Variants in ANK2 observed in about 807,000 individuals in gnomAD.
ANK2 encodes ankyrin-2.
ANK2 carries 83 observed loss-of-function variants against 360.5 expected under a neutral mutation model. The ratio of observed to expected loss-of-function variants is 0.23; its 90% confidence interval spans 0.19 to 0.28. The LOEUF (loss-of-function observed/expected upper bound fraction) is 0.28, where lower values mean the gene tolerates loss of function less well. Among genes scored for constraint, ANK2 ranks in the 10% least tolerant of loss-of-function variants. ANK2 has a pLI of 1.00. For missense variants in ANK2, 4,201 were observed against 4,795.7 expected (o/e 0.88, Z 3.66); for synonymous variants, 1,740 against 1,759.5 (o/e 0.99, Z 0.28).
chr4:112,959,062 C>T (rs2033186678), intron 2 of ANK2, among the ~76,000 whole-genome samples: 1 of 151,956 alleles, frequency 6.6e-6, no homozygotes. Flanking sequence ...GTTGGCCAGG[C>T]TGGTCTTGAA....
In ANK2 at chr4:112,970,026, C is replaced by T. The variant is rs140807474; in HGVS notation, c.21+65512C>T. ...TGAGACGGAGTCTCACTCTGTCGTC[C>T]AGGCTGGAGTGCGATGGTGCTATCT... On this transcript the variant is annotated intron_variant, in intron 2 of 30. Transcript: ENST00000503271. Among the ~76,000 whole-genome samples, 15 of 152,090 alleles carry T rather than the reference C, an allele frequency of 9.9e-5. No homozygotes were observed. In the East Asian group the frequency reaches 2.9e-3, roughly 29 times the overall value.
chr4:113,195,683 T>C (rs1174821962), intron 2 of ANK2, among the ~76,000 whole-genome samples: 1 of 152,254 alleles, frequency 6.6e-6, no homozygotes, highest in Non-Finnish European at 1.5e-5. Flanking sequence ...GTTTAAGCCT[T>C]ACTACTGTGT....
At chr4:113,213,955 ATTTTTTTTT>A in intron 4 of ANK2, 3 of 496,444 alleles carry the variant, frequency 6.0e-6, no homozygotes, top group East Asian at 3.5e-5. Flanking sequence ...TGTTTTATTT[ATTTTTTTTT>A]TTTATTTTTT....
At chr4:113,049,590 G>A (rs2065989442), upstream of ANK2, 1 of 1,497,122 alleles carries the variant, frequency 6.7e-7, no homozygotes, top group African/African-American at 1.4e-5. Context: ...CAACGTCACC[G>A]TCCTTACCCT....
chr4:112,825,131 T>C (rs539276296), intron 1 of ANK2, among the ~76,000 whole-genome samples: 3 of 152,110 alleles, frequency 2.0e-5, no homozygotes, highest in East Asian at 1.9e-4. Context: ...TAGGTGGGAA[T>C]TGAACAATGA....
chr4:112,970,307 C>A (rs1165339124), intron 2 of ANK2, among the ~76,000 whole-genome samples: 1 of 151,780 alleles, frequency 6.6e-6, no homozygotes, highest in African/African-American at 2.4e-5. Flanking sequence ...TTGTTTGGTG[C>A]TGTCACATAC....
intron 1 of ANK2, among the ~76,000 whole-genome samples, chr4:113,169,234 A>T (rs1403817389): frequency 6.6e-6 from 1 of 152,094 alleles, no homozygotes; most frequent in East Asian, 1.9e-4. Context: ...TATTTTTTTG[A>T]TAAGGAAATT....
At chr4:113,319,416 T>A (rs1415562039) in intron 26 of ANK2, among the ~76,000 whole-genome samples, 22 of 151,160 alleles carry the variant, frequency 1.5e-4, no homozygotes, top group South Asian at 1.5e-3. Flanking sequence ...CTATTTTTTA[T>A]TTAATTATTT....
At chr4:112,867,070 C>G (rs2070874928) in intron 1 of ANK2, among the ~76,000 whole-genome samples, 1 of 151,898 alleles carries the variant, frequency 6.6e-6, no homozygotes, top group African/African-American at 2.4e-5. Context: ...TATGTATTGT[C>G]TGTAAGGCAA....
At chr4:113,112,405 T>C (rs935161137) in intron 1 of ANK2, among the ~76,000 whole-genome samples, 1 of 151,884 alleles carries the variant, frequency 6.6e-6, no homozygotes, top group African/African-American at 2.4e-5. Flanking sequence ...GAGGCTGGAG[T>C]GGGGTTGGGA....
chr4:112,939,435 A>G (rs6840202), intron 2 of ANK2, among the ~76,000 whole-genome samples: 62,823 of 151,598 alleles, frequency 0.41, 17,160 homozygotes, highest in African/African-American at 0.76. Flanking sequence ...TCAGCCTCCC[A>G]AGTAGCTGGG....
At chr4:113,044,195 C>T (rs761953338) in intron 2 of ANK2, among the ~76,000 whole-genome samples, 5 of 152,070 alleles carry the variant, frequency 3.3e-5, no homozygotes, top group Non-Finnish European at 7.4e-5. Flanking sequence ...TGATTAAACT[C>T]GCATGAGAAA....
the ANK2 span, among the ~76,000 whole-genome samples, chr4:112,808,928 G>A: frequency 6.6e-6 from 1 of 152,000 alleles, no homozygotes; most frequent in Admixed American, 6.6e-5. Flanking sequence ...TGCGATCTCG[G>A]CTCGCTGCAA....
chr4:113,091,740 G>T (rs2088295330), intron 1 of ANK2, among the ~76,000 whole-genome samples: 1 of 152,192 alleles, frequency 6.6e-6, no homozygotes, highest in African/African-American at 2.4e-5. Context: ...AGAGCATGAG[G>T]ATTTGTTTCT....
At chr4:113,341,563 C>A in intron 32 of ANK2, 125 bp from the exon 33 acceptor site, 2 of 932,808 alleles carry the variant, frequency 2.1e-6, no homozygotes, top group Non-Finnish European at 1.7e-6. Context: ...TCATTATCTC[C>A]CTCTCTCACT....
chr4:113,038,746 G>T (rs1358919152), intron 2 of ANK2, among the ~76,000 whole-genome samples: 1 of 152,036 alleles, frequency 6.6e-6, no homozygotes, highest in Non-Finnish European at 1.5e-5. Flanking sequence ...TGTAATAAAA[G>T]AATGCAACTA....
the ANK2 span, among the ~76,000 whole-genome samples, chr4:112,723,429 T>C: frequency 1.3e-5 from 2 of 152,120 alleles, no homozygotes; most frequent in Admixed American, 1.3e-4. Flanking sequence ...AGTGGCGCGA[T>C]CTCGGCGCAC....
chr4:113,187,193 G>T (rs1292712130), intron 2 of ANK2, among the ~76,000 whole-genome samples: 1 of 152,148 alleles, frequency 6.6e-6, no homozygotes, highest in East Asian at 1.9e-4. Context: ...AGTCAGTGAA[G>T]GCTGTTACTG....
intron 1 of ANK2, among the ~76,000 whole-genome samples, chr4:112,867,980 CTG>C (rs2071351891): frequency 6.6e-6 from 1 of 152,152 alleles, no homozygotes. Context: ...AACTGCTAGA[CTG>C]TTTTCCAAAG....
Sources: gnomAD v4.1 joint callset for allele counts (sites outside exome capture counted in the v4.1 genomes callset) on GRCh38, gnomAD v4.1.1 for gene constraint, MANE v1.5 for transcripts, NCBI Gene and HGNC (gene_info 2026-07-23, HGNC 2026-07-21) for gene names.